ZNF736: variants seen among roughly 807,000 people sequenced by gnomAD.
ZNF736 encodes zinc finger protein 736.
A neutral mutation model predicts 11.7 loss-of-function variants in ZNF736; 6 were observed. The ratio of observed to expected loss-of-function variants is 0.51; its 90% CI spans 0.28 to 1.01. ZNF736 has a LOEUF of 1.01. ZNF736 is among the 50% of genes least tolerant of loss of function. The pLI, the probability that ZNF736 is intolerant of heterozygous loss-of-function variation, is 0.09. For missense variants in ZNF736, 444 were observed against 496.0 expected (o/e 0.90, Z 1.00); for synonymous variants, 139 against 164.7 (o/e 0.84, Z 1.19).
Position 64,351,801 on chromosome 7 carries a change from C to G in ZNF736, c.*2654C>G, listed in dbSNP as rs772040948. On this transcript the variant is annotated 3_prime_UTR_variant, in exon 4 of 4. Transcript: ENST00000423484. ...GGCTGCATCTCAGAGAGATGTAGGTCAGCAATTACTCAGTGCAGCCAGCCC... is the reference window on the plus strand; with the variant it reads ...GGCTGCATCTCAGAGAGATGTAGGTGAGCAATTACTCAGTGCAGCCAGCCC... 2 of 152,146 alleles carry G rather than the reference C, an allele frequency of 1.3e-5. No homozygotes were observed. Among genetic ancestry groups the G allele is most frequent in the South Asian group, 4.1e-4 (2 of 4,820 alleles). The allele number at this position is 152,146 out of a possible 1,614,324, so 9.4% of individuals were successfully genotyped here. A position where few individuals can be genotyped will look rare whatever the true frequency, so the allele number is the denominator to read the frequency against.
Position 64,348,564 on chromosome 7 carries a change from G to A in ZNF736, c.701G>A (p.Cys234Tyr), listed in dbSNP as rs1222520964. The A allele has an allele frequency of 1.3e-6, 2 of 1,588,808 alleles. No individual in the cohort carries two copies. Among genetic ancestry groups the A allele is most frequent in the Non-Finnish European group, 1.7e-6 (2 of 1,167,468 alleles). Residue 234 changes from cysteine (C) to tyrosine (Y), a missense_variant, in exon 4 of 4, where the codon TGT (cysteine) becomes TAT (tyrosine). Cys to Tyr is a radical substitution (Grantham distance 194, BLOSUM62 -2). Coordinates refer to ENST00000423484, the MANE Select transcript of ZNF736 (RefSeq NM_001170905.3). ...TGEKPYKCEG[C>Y]GKTFTCSSTL... ...GAGAAACCTTACAAATGTGAAGGAT[G>A]TGGCAAAACTTTTACCTGCTCCTCA...
At chr7:64,323,162 G>T (rs557119333) in intron 1 of ZNF736, among the ~76,000 whole-genome samples, 14 of 152,164 alleles carry the variant, frequency 9.2e-5, no homozygotes, top group East Asian at 5.8e-4. Flanking sequence ...CATTTTCCTC[G>T]AAACATGTAA....
At chr7:64,344,477 ACAT>A (rs1431992227) in intron 3 of ZNF736, among the ~76,000 whole-genome samples, 1 of 152,156 alleles carries the variant, frequency 6.6e-6, no homozygotes, top group Non-Finnish European at 1.5e-5. Context: ...CCCTTTACAA[ACAT>A]CATTCTATTT....
At chr7:64,347,600 C>A (rs756313123) in intron 3 of ZNF736, among the ~76,000 whole-genome samples, 6 of 152,184 alleles carry the variant, frequency 3.9e-5, no homozygotes, top group Non-Finnish European at 7.3e-5. Context: ...TGAAGTCTTT[C>A]TTCTCTTGTA....
At chr7:64,317,661 TTAA>T (rs1401002911) in intron 1 of ZNF736, among the ~76,000 whole-genome samples, 1 of 152,102 alleles carries the variant, frequency 6.6e-6, no homozygotes, top group Non-Finnish European at 1.5e-5. Context: ...TTTTATATTA[TTAA>T]TATTAAAGCT....
chr7:64,344,894 G>A (rs1351419573), intron 3 of ZNF736, among the ~76,000 whole-genome samples: 1 of 151,106 alleles, frequency 6.6e-6, no homozygotes, highest in African/African-American at 2.4e-5. Flanking sequence ...AAATTGTTAA[G>A]CATAATGCTT....
Position 64,355,360 on chromosome 7 carries a change from A to C in ZNF736, c.*6213A>C, listed in dbSNP as rs1789539827. The C allele has an allele frequency of 6.5e-6, 1 of 153,530 alleles. No homozygotes were observed. Among genetic ancestry groups the C allele is most frequent in the Non-Finnish European group, 1.5e-5 (1 of 68,114 alleles). The allele number at this position is 153,530 out of a possible 1,614,324, so 9.5% of individuals were successfully genotyped here. A position where few individuals can be genotyped will look rare whatever the true frequency, so the allele number is the denominator to read the frequency against. The stretch of plus-strand genomic sequence containing the variant: ...TAGACAGAACTATCAAGCCATTTCA[A>C]GTAGATTTAATTCTAGATCTTTTTT... On this transcript the variant is annotated 3_prime_UTR_variant, in exon 4 of 4. Coordinates refer to ENST00000423484, the MANE Select transcript of ZNF736 (RefSeq NM_001170905.3).
chr7:64,355,858 T>A lies in ZNF736; in HGVS notation c.*6711T>A, dbSNP rs1478967474. The A allele has an allele frequency of 1.1e-5, 2 of 179,944 alleles. No homozygotes were observed. Among genetic ancestry groups the A allele is most frequent in the Non-Finnish European group, 2.4e-5 (2 of 81,782 alleles). The allele number at this position is 179,944 out of a possible 1,614,324, so 11.1% of individuals were successfully genotyped here. On this transcript the variant is annotated 3_prime_UTR_variant, in exon 4 of 4. Transcript: ENST00000423484. ...GACAGACATTACTGGAAGGTAGAGGTGGGAAACAAGCCTAAATGAAAATTA... is the reference window on the plus strand; with the variant it reads ...GACAGACATTACTGGAAGGTAGAGGAGGGAAACAAGCCTAAATGAAAATTA...
intron 2 of ZNF736, 109 bp downstream of exon 2, chr7:64,336,494 A>T: frequency 8.2e-7 from 1 of 1,221,954 alleles, no homozygotes; most frequent in Non-Finnish European, 1.1e-6. Context: ...ATCCTGCTTC[A>T]AAAAGAAAAA....
intron 1 of ZNF736, among the ~76,000 whole-genome samples, chr7:64,317,289 G>C (rs1788931348): frequency 6.6e-6 from 1 of 152,058 alleles, no homozygotes; most frequent in Non-Finnish European, 1.5e-5. Context: ...TTTTTTCTAA[G>C]CTTATAAAAA....
At chr7:64,323,004 C>G (rs1425680107) in intron 1 of ZNF736, among the ~76,000 whole-genome samples, 1 of 152,128 alleles carries the variant, frequency 6.6e-6, no homozygotes, top group African/African-American at 2.4e-5. Flanking sequence ...AGTCTTTAAC[C>G]ACACTGTTTA....
intron 1 of ZNF736, among the ~76,000 whole-genome samples, chr7:64,330,266 C>A (rs963297667): frequency 3.9e-5 from 6 of 152,238 alleles, no homozygotes; most frequent in African/African-American, 1.4e-4. Flanking sequence ...CCGCCATTCT[C>A]CTGCCTCAGC....
intron 1 of ZNF736, among the ~76,000 whole-genome samples, chr7:64,327,744 A>G (rs1244049462): frequency 6.6e-6 from 1 of 152,182 alleles, no homozygotes; most frequent in African/African-American, 2.4e-5. Flanking sequence ...AGGCTTGCAA[A>G]TAACATCTTA....
intron 1 of ZNF736, among the ~76,000 whole-genome samples, chr7:64,317,906 C>T (rs565860185): frequency 8.5e-5 from 13 of 152,050 alleles, no homozygotes; most frequent in African/African-American, 2.9e-4. Flanking sequence ...AAACCACATT[C>T]TCACATCTGT....
intron 1 of ZNF736, among the ~76,000 whole-genome samples, chr7:64,327,450 C>G (rs1223444403): frequency 1.3e-5 from 2 of 151,900 alleles, no homozygotes; most frequent in African/African-American, 2.4e-5. Flanking sequence ...ATTGTCGGGT[C>G]TTGGGTTTTT....
chr7:64,331,964 G>T (rs1455884558), intron 1 of ZNF736, among the ~76,000 whole-genome samples: 1 of 151,684 alleles, frequency 6.6e-6, no homozygotes, highest in Non-Finnish European at 1.5e-5. Context: ...GTCTTTATCT[G>T]CAATTCTAGG....
intron 3 of ZNF736, among the ~76,000 whole-genome samples, chr7:64,342,452 G>T (rs951053447): frequency 1.3e-5 from 2 of 152,092 alleles, no homozygotes; most frequent in African/African-American, 4.8e-5. Context: ...TGCCTCTACT[G>T]TGGAATAGTT....
chr7:64,331,843 C>T (rs1382895261), intron 1 of ZNF736, among the ~76,000 whole-genome samples: 1 of 152,122 alleles, frequency 6.6e-6, no homozygotes, highest in Admixed American at 6.5e-5. Context: ...AAATTTCTGG[C>T]ATCTGTGGCA....
rs1164839146 is a variant in ZNF736, at chr7:64,353,898, T to A, written c.*4751T>A. 3.9e-5 allele frequency: 6 copies of A among 152,330 alleles called. No individual in the cohort carries two copies. In the East Asian group the frequency reaches 9.6e-4, roughly 24 times the overall value. 9.4% of individuals were successfully genotyped at this position (152,330 alleles called of 1,614,324 possible). On this transcript the variant is annotated 3_prime_UTR_variant, in exon 4 of 4. Coordinates refer to ENST00000423484, the MANE Select transcript of ZNF736 (RefSeq NM_001170905.3). Reference sequence around the variant, plus strand: ...AATGTGTGAACTTAATTTGTTTTAATAAACCAAAATTATTGTTATTGTGTT... The same window carrying A: ...AATGTGTGAACTTAATTTGTTTTAAAAAACCAAAATTATTGTTATTGTGTT...
Sources: allele counts gnomAD v4.1 joint callset (sites outside exome capture counted in the v4.1 genomes callset), GRCh38; gene constraint gnomAD v4.1.1; transcripts MANE v1.5; gene names NCBI Gene and HGNC (gene_info 2026-07-23, HGNC 2026-07-21).